Variants in CYP17A1 observed in about 807,000 individuals in gnomAD.
CYP17A1 encodes steroid 17-alpha-hydroxylase/17,20 lyase.
Under a neutral mutation model 38.5 loss-of-function variants are expected in CYP17A1, and 27 were observed. That is an observed-to-expected ratio of 0.70 (90% CI 0.52 to 0.97). The LOEUF (loss-of-function observed/expected upper bound fraction) is 0.97. Ranked by LOEUF, CYP17A1 falls within the 50% of genes least tolerant of loss-of-function variation. CYP17A1 has a pLI of 0.00. For missense variants in CYP17A1, 549 were observed against 645.9 expected, an observed-to-expected ratio of 0.85 and a Z score of 1.63; for synonymous variants, 263 against 253.3, an observed-to-expected ratio of 1.04 and a Z score of -0.36.
intron 3 of CYP17A1, 171 bp from the exon 4 acceptor site, chr10:102,834,293 T>C: frequency 1.6e-6 from 1 of 643,236 alleles, no homozygotes; most frequent in Non-Finnish European, 2.9e-6. Context: ...GGGTTTATCA[T>C]GACGACGAAG....
Position 102,834,022 on chromosome 10 carries a change from G to T in CYP17A1, c.753+14C>A. ...TTTAGCCTAACTCATATTCTCTTCTGCTCTATCACCTACCTTGTAATTTTC... is the reference window on the plus strand; with the variant it reads ...TTTAGCCTAACTCATATTCTCTTCTTCTCTATCACCTACCTTGTAATTTTC... On this transcript the variant is annotated intron_variant, in intron 4 of 7. Transcript: ENST00000369887. The T allele has an allele frequency of 5.1e-6, 5 of 974,444 alleles. No homozygotes were observed. The highest frequency in any genetic ancestry group is 3.8e-5 in the South Asian group (3 of 78,470). The allele number at this position is 974,444 out of a possible 1,614,324, so 60.4% of individuals were successfully genotyped here. A position where few individuals can be genotyped will look rare whatever the true frequency, so the allele number is the denominator to read the frequency against.
chr10:102,836,828 C>T, intron 1 of CYP17A1: 1 of 569,914 alleles, frequency 1.8e-6, no homozygotes. Flanking sequence ...CCACTGTGGT[C>T]CTCCCATCCC....
intron 3 of CYP17A1, 175 bp downstream of exon 3, chr10:102,834,610 T>A: frequency 1.2e-6 from 1 of 823,532 alleles, no homozygotes; most frequent in Non-Finnish European, 2.0e-6. Flanking sequence ...AAAGGCTAAA[T>A]CTATCTCTGC....
chr10:102,835,527 C>T (rs1290697084), intron 1 of CYP17A1, 135 bp from the exon 2 acceptor site: 5 of 779,408 alleles, frequency 6.4e-6, no homozygotes, highest in Non-Finnish European at 9.2e-6. Flanking sequence ...GGGCACAGCC[C>T]CACTGCACTC....
At chr10:102,832,810 C>T in intron 5 of CYP17A1, 130 bp from the exon 6 acceptor site, 1 of 1,368,454 alleles carries the variant, frequency 7.3e-7, no homozygotes, top group African/African-American at 1.4e-5. Context: ...CTCTGGGGCC[C>T]AGGCCCGGCT....
At chr10:102,833,937 G>C (rs1844124948) in intron 4 of CYP17A1, 99 bp downstream of exon 4, 1 of 741,722 alleles carries the variant, frequency 1.3e-6, no homozygotes, top group African/African-American at 1.7e-5. Context: ...CAGGTTCTCT[G>C]CTTGGTTTTG....
chr10:102,833,501 G>C, intron 4 of CYP17A1: 1 of 404,544 alleles, frequency 2.5e-6, no homozygotes, highest in Non-Finnish European at 4.6e-6. Flanking sequence ...GCAATGCCCA[G>C]GCTGGAGTGC....
intron 7 of CYP17A1, 67 bp downstream of exon 7, chr10:102,831,441 T>G: frequency 6.3e-7 from 1 of 1,597,608 alleles, no homozygotes; most frequent in East Asian, 2.2e-5. Flanking sequence ...GGTGAAGGGG[T>G]ACTGGGGTGG....
At position 102,837,236 on chromosome 10, in the gene CYP17A1, G is replaced by A. The variant is rs1277095387; in HGVS notation, c.126C>T (p.Phe42=). ...TATGCATATGGCCGTGTCTGGGGAGGAATGGCAGGCTGCCCACCAGGGGCA... is the reference window on the plus strand; with the variant it reads ...TATGCATATGGCCGTGTCTGGGGAGAAATGGCAGGCTGCCCACCAGGGGCA... The part of the protein sequence containing the change: ...LSLPLVGSLP[F]LPRHGHMHNN... The change falls in exon 1 of 8, where the codon TTC becomes TTT. Residue 42 remains phenylalanine, a synonymous_variant. Transcript: ENST00000369887. 2 of 1,606,788 alleles carry A rather than the reference G, an allele frequency of 1.2e-6. No homozygotes were observed. The highest frequency in any genetic ancestry group is 2.7e-5 in the African/African-American group (2 of 74,904).
Position 102,832,653 on chromosome 10 carries a change from C to T in CYP17A1, c.997G>A (p.Asp333Asn), listed in dbSNP as rs1241603758. ...QVKKKLYEEI[D>N]QNVGFSRTPT... The stretch of plus-strand genomic sequence containing the variant: ...GTGCGGCTGAAACCCACATTCTGGT[C>T]AATCTCCTCGTAGAGCTTCTTCTTC... Residue 333 changes from aspartate to asparagine, a missense_variant, in exon 6 of 8, where the codon GAC becomes AAC. Coordinates refer to ENST00000369887, the MANE Select transcript of CYP17A1 (RefSeq NM_000102.4). The T allele has an allele frequency of 6.2e-7, 1 of 1,608,756 alleles. No individual in the cohort carries two copies.
In CYP17A1 at chr10:102,836,922, C is replaced by G. The variant is rs61754267; in HGVS notation, c.297+143G>C. Reference sequence around the variant, plus strand: ...GGCTGGGTGGGGGTCTGAAGGTTCACTCCCTTCACATCATCCCACTAGTCT... The same window carrying G: ...GGCTGGGTGGGGGTCTGAAGGTTCAGTCCCTTCACATCATCCCACTAGTCT... On this transcript the variant is annotated intron_variant, in intron 1 of 7. Coordinates refer to ENST00000369887, the MANE Select transcript of CYP17A1 (RefSeq NM_000102.4). 6.3e-5 allele frequency: 46 copies of G among 734,688 alleles called. No individual in the cohort carries two copies. In the African/African-American group the frequency reaches 7.7e-4, roughly 12 times the overall value. The allele number at this position is 734,688 out of a possible 1,614,324, so 45.5% of individuals were successfully genotyped here. A position where few individuals can be genotyped will look rare whatever the true frequency, so the allele number is the denominator to read the frequency against.
In CYP17A1 at chr10:102,835,066, C is replaced by T. The variant is rs71471253; in HGVS notation, c.437-52G>A. The stretch of plus-strand genomic sequence containing the variant: ...GGAAATGAATCAGCACCCTTACCCC[C>T]TCTCTGTACCAGTTGCCTCTTAACA... On this transcript the variant is annotated intron_variant, in intron 2 of 7. Coordinates refer to ENST00000369887, the MANE Select transcript of CYP17A1 (RefSeq NM_000102.4). 1,870 of 1,218,510 alleles carry T rather than the reference C, an allele frequency of 1.5e-3. 5 individuals carry two copies. Among genetic ancestry groups the T allele is most frequent in the Non-Finnish European group, 2.1e-3 (1,723 of 831,510 alleles). 75.5% of individuals were successfully genotyped at this position (1,218,510 alleles called of 1,614,324 possible). A position where few individuals can be genotyped will look rare whatever the true frequency, so the allele number is the denominator to read the frequency against.
chr10:102,832,498 A>T lies in CYP17A1; in HGVS notation c.1139+13T>A. 2 of 1,572,376 alleles carry T rather than the reference A, an allele frequency of 1.3e-6. No individual in the cohort carries two copies. Among genetic ancestry groups the T allele is most frequent in the Non-Finnish European group, 1.8e-6 (2 of 1,142,150 alleles). Reference sequence around the variant, plus strand: ...CATCATGGGGCTAGATGTCACTGGGAGGGCAGGCACACCTGGAGTCAACGT... The same window carrying T: ...CATCATGGGGCTAGATGTCACTGGGTGGGCAGGCACACCTGGAGTCAACGT... On this transcript the variant is annotated intron_variant, in intron 6 of 7. Transcript: ENST00000369887.
rs1844177977 is a variant in CYP17A1, at chr10:102,837,318, A to C, written c.44T>G (p.Leu15Trp). 6.2e-7 allele frequency: 1 copy of C among 1,612,878 alleles called. No individual in the cohort carries two copies. Among genetic ancestry groups the C allele is most frequent in the Non-Finnish European group, 8.5e-7 (1 of 1,178,940 alleles). Reference sequence around the variant, plus strand: ...AGGGCACCTTCTCTTGGGCCAAAACAAATAAGCTAGGGTAAGCAGCAAGAG... The same window carrying C: ...AGGGCACCTTCTCTTGGGCCAAAACCAATAAGCTAGGGTAAGCAGCAAGAG... ...VALLLLTLAYLFWPKRRCPGA... is the reference protein window; with the variant it reads ...VALLLLTLAYWFWPKRRCPGA... Residue 15 changes from leucine (L) to tryptophan (W), a missense_variant, in exon 1 of 8, where the codon TTG (leucine) becomes TGG (tryptophan). Physicochemically the swap from Leu to Trp is moderately conservative, Grantham distance 61 (BLOSUM62 -2). Around this residue, in one of 3 missense-constraint regions of CYP17A1, gnomAD observed 289 missense variants for 320.9 expected, o/e 0.90. Coordinates refer to ENST00000369887, the MANE Select transcript of CYP17A1 (RefSeq NM_000102.4).
intron 4 of CYP17A1, chr10:102,833,526 A>G: frequency 2.8e-6 from 1 of 356,486 alleles, no homozygotes; most frequent in Non-Finnish European, 5.3e-6. Context: ...GCATGATCTC[A>G]GCTCACTGCA....
At position 102,830,727 on chromosome 10, in the gene CYP17A1, T is replaced by G; in HGVS notation, c.1502A>C (p.Glu501Ala). Reference protein sequence around the residue: ...VKIKVRQAWREAQAEGST With the variant: ...VKIKVRQAWRAAQAEGST ...TTAGGTGCTACCCTCAGCCTGGGCTTCCCTCCAGGCCTGGCGCACCTTGAT... is the reference window on the plus strand; with the variant it reads ...TTAGGTGCTACCCTCAGCCTGGGCTGCCCTCCAGGCCTGGCGCACCTTGAT... The change falls in exon 8 of 8, where the codon GAA becomes GCA. Residue 501 changes from glutamate (E) to alanine (A), a missense_variant. Around this residue, in one of 3 missense-constraint regions of CYP17A1, gnomAD observed 257 missense variants for 307.9 expected, o/e 0.83. Transcript: ENST00000369887. The surrounding 1 kb of genome is among the most constrained non-coding windows in gnomAD (Gnocchi z 4.1). 1.9e-6 allele frequency: 3 copies of G among 1,599,804 alleles called. No individual in the cohort carries two copies. Among genetic ancestry groups the G allele is most frequent in the Middle Eastern group, 1.7e-4 (1 of 6,024 alleles).
chr10:102,831,638 G>A (rs1410062923), intron 6 of CYP17A1, 27 bp from the exon 7 acceptor site: 1 of 1,611,960 alleles, frequency 6.2e-7, no homozygotes, highest in Non-Finnish European at 8.5e-7. Flanking sequence ...GAGGAAAAGT[G>A]GGTCTGGGAC....
chr10:102,833,344 G>A (rs1235812781), intron 4 of CYP17A1, 136 bp from the exon 5 acceptor site: 12 of 1,538,244 alleles, frequency 7.8e-6, no homozygotes, highest in East Asian at 2.4e-5. Flanking sequence ...CAGGACCTAC[G>A]AACTTGTGGA....
At chr10:102,832,019 G>C (rs1844096645) in intron 6 of CYP17A1, among the ~76,000 whole-genome samples, 1 of 152,158 alleles carries the variant, frequency 6.6e-6, no homozygotes, top group African/African-American at 2.4e-5. Context: ...CGTGTCTGTA[G>C]GTGGTAGAGA....
Sources: gnomAD v4.1 joint callset for allele counts (sites outside exome capture counted in the v4.1 genomes callset) on GRCh38, gnomAD v4.1.1 for gene constraint, gnomAD v4.1.1 regional missense constraint, Gnocchi (gnomAD v3.1) non-coding constraint, MANE v1.5 for transcripts, NCBI Gene and HGNC (gene_info 2026-07-23, HGNC 2026-07-21) for gene names.